Variants in GSE1 observed in about 807,000 individuals in gnomAD.
GSE1 encodes Gse1 coiled-coil protein, also known as genetic suppressor element 1.
In GSE1, 32 loss-of-function variants were observed where a neutral mutation model predicts 112.6. The ratio of observed to expected loss-of-function variants is 0.28; its 90% CI spans 0.21 to 0.38. GSE1 has a LOEUF of 0.38. Ranked by LOEUF, GSE1 falls within the 10% of genes least tolerant of loss-of-function variation. The pLI, the probability that GSE1 is intolerant of heterozygous loss-of-function variation, is 1.00. For missense variants in GSE1, 2,348 were observed against 1,699.2 expected (o/e 1.38, Z -6.71); for synonymous variants, 1,115 against 735.6 (o/e 1.52, Z -8.35).
At chr16:85,340,207 G>T (rs528323955) in intron 1 of GSE1, among the ~76,000 whole-genome samples, 1 of 152,128 alleles carries the variant, frequency 6.6e-6, no homozygotes, top group East Asian at 1.9e-4. Context: ...AAAATTAGCC[G>T]GGTGTGGTGG....
intron 2 of GSE1, among the ~76,000 whole-genome samples, chr16:85,413,762 T>A (rs2048639450): frequency 6.6e-6 from 1 of 152,116 alleles, no homozygotes; most frequent in Admixed American, 6.5e-5. Flanking sequence ...ATGGTTAGAC[T>A]TTGTGTCCCC....
chr16:85,257,066 G>A (rs2144073883), intron 1 of GSE1, among the ~76,000 whole-genome samples: 2 of 152,290 alleles, frequency 1.3e-5, no homozygotes, highest in South Asian at 4.2e-4. Flanking sequence ...AAGAGATGAG[G>A]GGTGGATTAT....
At chr16:85,275,468 C>T (rs776595706) in intron 1 of GSE1, among the ~76,000 whole-genome samples, 10 of 152,344 alleles carry the variant, frequency 6.6e-5, no homozygotes, top group Non-Finnish European at 1.0e-4. Context: ...ACTTTGCATC[C>T]AGAAGTACCT....
At chr16:85,435,319 C>G (rs561596436) in intron 2 of GSE1, among the ~76,000 whole-genome samples, 2 of 152,060 alleles carry the variant, frequency 1.3e-5, no homozygotes, top group Admixed American at 6.5e-5. Context: ...CCCCCTCCCC[C>G]ACTGTGGTAG....
chr16:85,227,503 T>C (rs530176639), intron 1 of GSE1, among the ~76,000 whole-genome samples: 16 of 152,286 alleles, frequency 1.1e-4, no homozygotes, highest in Admixed American at 9.8e-4. Flanking sequence ...GCGATCCAGG[T>C]AGCAGGAACA....
At chr16:85,579,775 C>G (rs1254932036) in intron 1 of GSE1, among the ~76,000 whole-genome samples, 1 of 152,206 alleles carries the variant, frequency 6.6e-6, no homozygotes, top group Admixed American at 6.5e-5. Flanking sequence ...ACTACCAAGT[C>G]TTAGGTTAGA....
At chr16:85,320,441 A>ATGTTTTGTTTTGTTT (rs112173531) in intron 1 of GSE1, among the ~76,000 whole-genome samples, 5,913 of 149,134 alleles carry the variant, frequency 0.04, 323 homozygotes, top group African/African-American at 0.12. Flanking sequence ...TACCCGGCTA[A>ATGTTTTGTTTTGTTT]TGTTTTGTTT....
intron 2 of GSE1, among the ~76,000 whole-genome samples, chr16:85,366,865 T>C (rs2047195661): frequency 6.6e-6 from 1 of 152,286 alleles, no homozygotes; most frequent in South Asian, 2.1e-4. Context: ...CTGGAATTTC[T>C]TTCCCAATAA....
chr16:85,415,255 A>G (rs2048676811), intron 2 of GSE1, among the ~76,000 whole-genome samples: 1 of 152,180 alleles, frequency 6.6e-6, no homozygotes, highest in Admixed American at 6.5e-5. Flanking sequence ...TTAATTTTAT[A>G]TTTGTGTACC....
intron 1 of GSE1, among the ~76,000 whole-genome samples, chr16:85,228,573 T>C (rs1379156516): frequency 2.0e-5 from 3 of 152,190 alleles, no homozygotes; most frequent in Non-Finnish European, 4.4e-5. Flanking sequence ...CTCTTGGAGT[T>C]GCCGTGGGCA....
chr16:85,635,347 G>T (rs550878461), intron 2 of GSE1, among the ~76,000 whole-genome samples: 1 of 152,174 alleles, frequency 6.6e-6, no homozygotes, highest in Non-Finnish European at 1.5e-5. Context: ...GGCACAGGCA[G>T]GACCGCCAGA....
intron 1 of GSE1, among the ~76,000 whole-genome samples, chr16:85,326,113 C>T (rs2046223233): frequency 6.6e-6 from 1 of 152,114 alleles, no homozygotes; most frequent in Non-Finnish European, 1.5e-5. Flanking sequence ...CTGACGGTGT[C>T]TACTTTAACA....
chr16:85,171,800 C>G, exon 1 of GSE1: 1 of 985,360 alleles, frequency 1.0e-6, no homozygotes, highest in Non-Finnish European at 1.2e-6. Context: ...GTGGCAGCAG[C>G]GACGAAGGTA....
At position 85,270,590 on chromosome 16, in the gene GSE1, C is replaced by T. The variant is rs771163322; in HGVS notation, c.2284-86873C>T. On this transcript the variant is annotated intron_variant, in intron 1 of 2. Transcript: ENST00000637419. ...GCCGATTTTATTAAATCAAAGCTCTCGGGCTGTTGTATTTGTTGGATTGAT... is the reference window on the plus strand; with the variant it reads ...GCCGATTTTATTAAATCAAAGCTCTTGGGCTGTTGTATTTGTTGGATTGAT... 2.0e-4 allele frequency among the ~76,000 whole-genome samples: 30 copies of T among 148,872 alleles called. 2 individuals are homozygous for T. The highest frequency in any genetic ancestry group is 3.5e-4 in the Non-Finnish European group (23 of 66,150).
intron 1 of GSE1, among the ~76,000 whole-genome samples, chr16:85,575,221 G>T (rs2046179580): frequency 6.6e-6 from 1 of 152,222 alleles, no homozygotes; most frequent in African/African-American, 2.4e-5. Flanking sequence ...GGCCAGGGCA[G>T]GCAGGTGGCA....
At chr16:85,213,181 A>G (rs1262676622) in intron 1 of GSE1, among the ~76,000 whole-genome samples, 3 of 151,656 alleles carry the variant, frequency 2.0e-5, no homozygotes, top group African/African-American at 4.8e-5. Context: ...AGGCAGGGGA[A>G]TCTCTTGAAC....
intron 1 of GSE1, among the ~76,000 whole-genome samples, chr16:85,589,084 AT>A (rs1254612477): frequency 6.6e-6 from 1 of 151,258 alleles, no homozygotes; most frequent in Non-Finnish European, 1.5e-5. Context: ...CCTTCCCGGG[AT>A]CCCCGTGTAC....
chr16:85,181,475 G>A (rs1019518964), intron 1 of GSE1, among the ~76,000 whole-genome samples: 1 of 152,202 alleles, frequency 6.6e-6, no homozygotes, highest in Non-Finnish European at 1.5e-5. Context: ...GCCCTGGTGG[G>A]GGCCTGGCTT....
chr16:85,449,602 T>G (rs559395578), intron 2 of GSE1, among the ~76,000 whole-genome samples: 14 of 152,380 alleles, frequency 9.2e-5, no homozygotes, highest in African/African-American at 2.9e-4. Flanking sequence ...TCTTCCGGAA[T>G]GGACGCTTAT....
Sources: allele counts gnomAD v4.1 joint callset (sites outside exome capture counted in the v4.1 genomes callset), GRCh38; gene constraint gnomAD v4.1.1; transcripts MANE v1.5; gene names NCBI Gene and HGNC (gene_info 2026-07-23, HGNC 2026-07-21).